Variants in USP9X observed in about 807,000 individuals in gnomAD.
USP9X encodes the protein ubiquitin carboxyl-terminal hydrolase 9X.
In USP9X, 7 loss-of-function variants were observed where a neutral mutation model predicts 190.3. That is an observed-to-expected ratio of 0.04 (90% CI 0.02 to 0.07). The LOEUF (loss-of-function observed/expected upper bound fraction) is 0.07. Ranked by LOEUF, USP9X falls within the 10% of genes least tolerant of loss-of-function variation. The probability of loss-of-function intolerance (pLI) is 1.00; values close to 1 mark genes in which losing one functional copy is unlikely to be tolerated. For missense variants in USP9X, 1,010 were observed against 1,916.9 expected (o/e 0.53, Z 8.83); for synonymous variants, 645 against 659.5 (o/e 0.98, Z 0.34).
At chrX:41,143,517 T>A in intron 10 of USP9X, 74 bp downstream of exon 10, 1 of 935,694 alleles carries the variant, frequency 1.1e-6, no homozygotes, top group Non-Finnish European at 1.4e-6. Flanking sequence ...ACAGTAGCTG[T>A]CATGAAATGG....
intron 1 of USP9X, among the ~76,000 whole-genome samples, chrX:41,086,599 C>A (rs1459340281): frequency 9.8e-5 from 11 of 112,313 alleles, no homozygotes; most frequent in Non-Finnish European, 1.7e-4. Flanking sequence ...TCGGCTACGC[C>A]TGGCTATCAG....
intron 39 of USP9X, 65 bp from the exon 40 acceptor site, chrX:41,224,677 A>C: frequency 2.1e-6 from 2 of 946,471 alleles, no homozygotes; most frequent in East Asian, 3.1e-5. Context: ...TCTATCGTGA[A>C]AGTTGTGTAT....
chrX:41,214,764 A>G, intron 34 of USP9X, 55 bp downstream of exon 34: 2 of 1,137,756 alleles, frequency 1.8e-6, no homozygotes, highest in Non-Finnish European at 2.3e-6. Context: ...ATTTAGAAGA[A>G]ATTGGTTTTT....
At chrX:41,182,389 C>T (rs2062835217) in intron 21 of USP9X, among the ~76,000 whole-genome samples, 2 of 109,818 alleles carry the variant, frequency 1.8e-5, no homozygotes, top group Non-Finnish European at 3.8e-5. Flanking sequence ...AAAAAAATAT[C>T]CACCACTTCC....
chrX:41,170,119 A>G lies in USP9X; in HGVS notation c.2761A>G (p.Asn921Asp). ...TIGSVRRCIL[N>D]RIKANVAHTK... The stretch of plus-strand genomic sequence containing the variant: ...TGGTTCAGTACGACGATGTATTCTC[A>G]ATCGTATTAAAGCCAACGTAGCCCA... The change falls in exon 19 of 45, where the codon AAT (asparagine) becomes GAT (aspartate). Residue 921 changes from asparagine to aspartate, a missense_variant. Physicochemically the swap from Asn to Asp is conservative, Grantham distance 23. Around this residue, in one of 11 missense-constraint regions of USP9X, gnomAD observed 351 missense variants for 480.8 expected, o/e 0.73. Transcript: ENST00000378308. 8.3e-7 allele frequency: 1 copy of G among 1,211,626 alleles called. No individual in the cohort carries two copies. Among genetic ancestry groups the G allele is most frequent in the Non-Finnish European group, 1.1e-6 (1 of 895,385 alleles).
intron 30 of USP9X, among the ~76,000 whole-genome samples, chrX:41,200,261 G>A (rs1413971265): frequency 1.8e-5 from 2 of 110,775 alleles, no homozygotes; most frequent in Non-Finnish European, 3.8e-5. Flanking sequence ...ATCACAGATT[G>A]GAGTATAGTA....
chrX:41,128,844 A>G (rs1037126288), intron 2 of USP9X, among the ~76,000 whole-genome samples, 156 bp from the exon 3 acceptor site: 1 of 112,315 alleles, frequency 8.9e-6, no homozygotes, highest in Non-Finnish European at 1.9e-5. Context: ...TTTCGATCCA[A>G]GGTTGTTGGT....
In USP9X at chrX:41,233,825, TAA is replaced by T. The variant is rs914126273; in HGVS notation, c.*1304_*1305del. ...GGAAATCCTCAGTTCATACTGTATT[TAA>T]AAGAGAATTGGTAACTTGAATGTGT... On this transcript the variant is annotated 3_prime_UTR_variant, in exon 45 of 45. Coordinates refer to ENST00000378308, the MANE Select transcript of USP9X (RefSeq NM_001039591.3). 1 of 112,372 alleles carries T rather than the reference TAA, an allele frequency of 8.9e-6. No individual in the cohort carries two copies. Among genetic ancestry groups the T allele is most frequent in the African/African-American group, 3.2e-5 (1 of 30,830 alleles). 9.3% of individuals were successfully genotyped at this position (112,372 alleles called of 1,213,427 possible).
chrX:41,196,472 TG>T, intron 27 of USP9X, 113 bp downstream of exon 27: 3 of 1,068,874 alleles, frequency 2.8e-6, no homozygotes, highest in Admixed American at 2.7e-5. Flanking sequence ...ATTTAATAAA[TG>T]AAGTACTACT....
At chrX:41,178,966 G>A (rs1433071142) in intron 21 of USP9X, among the ~76,000 whole-genome samples, 1 of 112,080 alleles carries the variant, frequency 8.9e-6, no homozygotes, top group African/African-American at 3.2e-5. Flanking sequence ...TTATTCAAGA[G>A]ATTGCCTTTT....
intron 9 of USP9X, among the ~76,000 whole-genome samples, chrX:41,142,234 T>C (rs756618622): frequency 8.9e-6 from 1 of 112,047 alleles, no homozygotes; most frequent in Non-Finnish European, 1.9e-5. Context: ...ATTCAAAGTG[T>C]GCTCTGAAGA....
At chrX:41,096,385 G>A (rs1344312817) in intron 1 of USP9X, among the ~76,000 whole-genome samples, 1 of 112,506 alleles carries the variant, frequency 8.9e-6, no homozygotes, top group Admixed American at 9.4e-5. Flanking sequence ...TTTTAAGTGA[G>A]AATGTAGTCA....
chrX:41,157,372 T>C (rs1037348029), intron 14 of USP9X, among the ~76,000 whole-genome samples: 14 of 110,312 alleles, frequency 1.3e-4, no homozygotes, highest in African/African-American at 4.6e-4. Flanking sequence ...AGACATGCAG[T>C]GGTAAAGGGT....
Position 41,101,931 on chromosome X carries a change from C to A in USP9X, c.-159+15822C>A, listed in dbSNP as rs779577419. 8.1e-5 allele frequency among the ~76,000 whole-genome samples: 9 copies of A among 111,789 alleles called. No individual in the cohort carries two copies. In the East Asian group the frequency reaches 2.0e-3, roughly 25 times the overall value. ...AGTGAAATAAACCAGTCACAAAAGA[C>A]CTCATATCACATGATGCCATTTATA... On this transcript the variant is annotated intron_variant, in intron 1 of 44. Transcript: ENST00000378308.
Position 41,224,728 on chromosome X carries a change from A to T in USP9X, c.6752-14A>T. Reference sequence around the variant, plus strand: ...GCTTATTAGTTTTTTATTGGTGACAAATCTGTATTCTAGGTAATCCTCCTC... The same window carrying T: ...GCTTATTAGTTTTTTATTGGTGACATATCTGTATTCTAGGTAATCCTCCTC... On this transcript the variant is annotated splice_polypyrimidine_tract_variant and intron_variant, in intron 39 of 44. Transcript: ENST00000378308. 8.5e-7 allele frequency: 1 copy of T among 1,180,957 alleles called. No homozygotes were observed. Among genetic ancestry groups the T allele is most frequent in the Non-Finnish European group, 1.1e-6 (1 of 871,027 alleles).
intron 6 of USP9X, among the ~76,000 whole-genome samples, chrX:41,140,093 G>C (rs983574993): frequency 9.8e-5 from 11 of 111,688 alleles, no homozygotes; most frequent in African/African-American, 3.6e-4. Context: ...AAGGAGAACT[G>C]GGTGCAATTT....
At chrX:41,213,571 C>T (rs887035659) in intron 33 of USP9X, among the ~76,000 whole-genome samples, 2 of 111,776 alleles carry the variant, frequency 1.8e-5, no homozygotes, top group African/African-American at 3.2e-5. Flanking sequence ...AAGCAAAGAG[C>T]GTCCGTACTT....
intron 1 of USP9X, among the ~76,000 whole-genome samples, chrX:41,117,032 C>T (rs2062152973): frequency 9.0e-6 from 1 of 111,283 alleles, no homozygotes; most frequent in African/African-American, 3.3e-5. Context: ...GTATGCTATG[C>T]TGAGACCTGA....
chrX:41,170,532 T>C lies in USP9X; in HGVS notation c.2940T>C (p.Ser980=), dbSNP rs1440753700. Residue 980 remains serine (S), a synonymous_variant, in exon 20 of 45, where the codon TCT becomes TCC. Coordinates refer to ENST00000378308, the MANE Select transcript of USP9X (RefSeq NM_001039591.3). ...SNMPSSPDSS[S]DSSTGSPGNH... ...TGCCTTCAAGCCCTGATAGCTCTTC[T>C]GATTCCTCCACTGGATCTCCTGGAA... is the stretch of plus-strand genomic sequence containing the variant. 8.3e-7 allele frequency: 1 copy of C among 1,209,660 alleles called. No individual in the cohort carries two copies. Among genetic ancestry groups the C allele is most frequent in the Non-Finnish European group, 1.1e-6 (1 of 894,843 alleles).
Sources: gnomAD v4.1 joint callset for allele counts (sites outside exome capture counted in the v4.1 genomes callset) on GRCh38, gnomAD v4.1.1 for gene constraint, gnomAD v4.1.1 regional missense constraint, MANE v1.5 for transcripts, NCBI Gene and HGNC (gene_info 2026-07-23, HGNC 2026-07-21) for gene names.